The following SHISAL1 variants were observed in gnomAD, a reference collection of about 807,000 sequenced individuals.
The protein encoded by SHISAL1 is protein shisa-like-1.
Under a neutral mutation model 22.6 loss-of-function variants are expected in SHISAL1, and 9 were observed. The observed-to-expected ratio is 0.40, with a 90% confidence interval of 0.24 to 0.70. The LOEUF (loss-of-function observed/expected upper bound fraction) is 0.70, where lower values mean the gene tolerates loss of function less well. Ranked by LOEUF, SHISAL1 falls within the 30% of genes least tolerant of loss-of-function variation. The pLI is 0.39. For missense variants in SHISAL1, 246 were observed against 270.6 expected, an observed-to-expected ratio of 0.91 and a Z score of 0.64; for synonymous variants, 119 against 115.4, an observed-to-expected ratio of 1.03 and a Z score of -0.20.
the SHISAL1 span, among the ~76,000 whole-genome samples, chr22:44,318,038 T>C: frequency 2.0e-5 from 3 of 152,164 alleles, no homozygotes; most frequent in Non-Finnish European, 4.4e-5. Context: ...GAGAAGCCCC[T>C]CCAGGGGAAG....
chr22:44,330,449 G>A, the SHISAL1 span, among the ~76,000 whole-genome samples: 1 of 152,182 alleles, frequency 6.6e-6, no homozygotes, highest in African/African-American at 2.4e-5. Context: ...AGAGAGGTAG[G>A]GGAGACACAA....
At chr22:44,267,249 C>T (rs1272934900) in intron 4 of SHISAL1, among the ~76,000 whole-genome samples, 4 of 152,128 alleles carry the variant, frequency 2.6e-5, no homozygotes, top group Non-Finnish European at 4.4e-5. Flanking sequence ...AGCGCCTCCT[C>T]CCCAGGCCCA....
intron 4 of SHISAL1, among the ~76,000 whole-genome samples, chr22:44,262,943 C>T (rs1465286261): frequency 6.6e-6 from 1 of 152,178 alleles, no homozygotes; most frequent in African/African-American, 2.4e-5. Context: ...TCATGAGGCA[C>T]AACACGCCTC....
At chr22:44,270,875 C>G (rs964585970) in intron 4 of SHISAL1, among the ~76,000 whole-genome samples, 1 of 152,214 alleles carries the variant, frequency 6.6e-6, no homozygotes, top group African/African-American at 2.4e-5. Context: ...GAGCCCAGAG[C>G]AGCCAGGCTG....
At chr22:44,313,562 G>C (rs1029124113), upstream of SHISAL1, among the ~76,000 whole-genome samples, 1 of 152,202 alleles carries the variant, frequency 6.6e-6, no homozygotes, top group East Asian at 1.9e-4. Flanking sequence ...GGAACAGGGC[G>C]GGGGATGCCC....
intron 4 of SHISAL1, among the ~76,000 whole-genome samples, chr22:44,284,302 G>A (rs992531789): frequency 6.6e-6 from 1 of 152,054 alleles, no homozygotes; most frequent in African/African-American, 2.4e-5. Context: ...GTTAATCCTT[G>A]GGAGGGGGCA....
intron 2 of SHISAL1, among the ~76,000 whole-genome samples, chr22:44,300,082 C>CAGAGACAGAG (rs1385634844): frequency 6.8e-6 from 1 of 148,098 alleles, no homozygotes; most frequent in African/African-American, 2.5e-5. Context: ...CACAGAAAGA[C>CAGAGACAGAG]AGACAGAGAC....
intron 1 of SHISAL1, among the ~76,000 whole-genome samples, chr22:44,302,455 G>T (rs1283089613): frequency 2.6e-5 from 4 of 152,222 alleles, no homozygotes; most frequent in Admixed American, 2.6e-4. Context: ...ATAAAACAAG[G>T]CGTGTCTGGG....
In SHISAL1 at chr22:44,248,411, G is replaced by A. The variant is rs2147264342; in HGVS notation, c.*1274C>T. 6.8e-6 allele frequency: 1 copy of A among 146,164 alleles called. No individual in the cohort carries two copies. Among genetic ancestry groups the A allele is most frequent in the Admixed American group, 6.6e-5 (1 of 15,068 alleles). 9.1% of individuals were successfully genotyped at this position (146,164 alleles called of 1,614,324 possible). A position where few individuals can be genotyped will look rare whatever the true frequency, so the allele number is the denominator to read the frequency against. ...CTACACTGGCAGCATGGCCTTTGGAGATGTTTGTGATGATTTAGGTGATGC... is the reference window on the plus strand; with the variant it reads ...CTACACTGGCAGCATGGCCTTTGGAAATGTTTGTGATGATTTAGGTGATGC... On this transcript the variant is annotated 3_prime_UTR_variant, in exon 5 of 5. Transcript: ENST00000381176.
At chr22:44,322,450 GTT>G in the SHISAL1 span, among the ~76,000 whole-genome samples, 1 of 152,192 alleles carries the variant, frequency 6.6e-6, no homozygotes, top group Non-Finnish European at 1.5e-5. Context: ...CCAGGCTGAT[GTT>G]TCATGAGCTC....
In SHISAL1 at chr22:44,250,226, T is replaced by C. The variant is rs967697647; in HGVS notation, c.*-541A>G. 3.5e-4 allele frequency among the ~76,000 whole-genome samples: 53 copies of C among 152,368 alleles called. 1 individual carries two copies. The highest frequency in any genetic ancestry group is 1.1e-3 in the African/African-American group (47 of 41,576). On this transcript the variant is annotated intron_variant, in intron 4 of 4. Transcript: ENST00000381176. The stretch of plus-strand genomic sequence containing the variant: ...ATTCTGATTTGGCTGATAAATTATA[T>C]GGTCACCATTGCCATAACAAACTAA...
intron 3 of SHISAL1, among the ~76,000 whole-genome samples, chr22:44,295,562 C>T (rs2055379488): frequency 1.3e-5 from 2 of 151,354 alleles, no homozygotes; most frequent in Non-Finnish European, 1.5e-5. Flanking sequence ...AAAAATTAAG[C>T]ATGAGGAAAA....
At chr22:44,309,261 C>T (rs188747279) in intron 1 of SHISAL1, among the ~76,000 whole-genome samples, 8 of 152,170 alleles carry the variant, frequency 5.3e-5, no homozygotes, top group Admixed American at 3.3e-4. Flanking sequence ...TGGGGGGAGG[C>T]GGTCACAGAC....
At chr22:44,300,625 C>A (rs1601801911) in intron 2 of SHISAL1, among the ~76,000 whole-genome samples, 1 of 152,200 alleles carries the variant, frequency 6.6e-6, no homozygotes, top group East Asian at 1.9e-4. Context: ...AGGGTCCTGG[C>A]AGCCAGCTGA....
Position 44,250,584 on chromosome 22 carries a change from C to A in SHISAL1, c.*-899G>T, listed in dbSNP as rs151038788. Among the ~76,000 whole-genome samples, 53 of 152,314 alleles carry A rather than the reference C, an allele frequency of 3.5e-4. 1 individual carries two copies. Among genetic ancestry groups the A allele is most frequent in the African/African-American group, 1.1e-3 (47 of 41,580 alleles). On this transcript the variant is annotated intron_variant, in intron 4 of 4. Transcript: ENST00000381176. ...CCCAGTCACAAATACTTACCTTCCC[C>A]GACTCCCTTGCAAGCAGGGGTGGTC...
At chr22:44,282,222 C>A (rs147824206) in intron 4 of SHISAL1, among the ~76,000 whole-genome samples, 2 of 152,228 alleles carry the variant, frequency 1.3e-5, no homozygotes, top group Non-Finnish European at 2.9e-5. Flanking sequence ...CCAGCTTACT[C>A]CTCTGCCCCA....
chr22:44,255,211 G>T (rs1440156203), intron 4 of SHISAL1, among the ~76,000 whole-genome samples: 1 of 151,988 alleles, frequency 6.6e-6, no homozygotes, highest in African/African-American at 2.4e-5. Context: ...GATGGAGTCG[G>T]AGTTTCACTC....
intron 4 of SHISAL1, among the ~76,000 whole-genome samples, chr22:44,254,459 A>G (rs1474349590): frequency 6.6e-6 from 1 of 152,112 alleles, no homozygotes; most frequent in African/African-American, 2.4e-5. Context: ...CTCCTGGGCT[A>G]AAGTGATTCC....
At chr22:44,254,209 G>T (rs952424135) in intron 4 of SHISAL1, among the ~76,000 whole-genome samples, 2 of 152,028 alleles carry the variant, frequency 1.3e-5, no homozygotes, top group African/African-American at 4.8e-5. Context: ...AAATGAGAAA[G>T]AATGAATTGC....
Sources: allele counts gnomAD v4.1 joint callset (sites outside exome capture counted in the v4.1 genomes callset), GRCh38; gene constraint gnomAD v4.1.1; transcripts MANE v1.5; gene names NCBI Gene and HGNC (gene_info 2026-07-23, HGNC 2026-07-21).